The following SNTG1 variants were observed in gnomAD, a reference collection of about 807,000 sequenced individuals.
SNTG1 encodes the protein gamma-1-syntrophin.
In SNTG1, 39 loss-of-function variants were observed where a neutral mutation model predicts 74.7. That is an observed-to-expected ratio of 0.52 (90% CI 0.40 to 0.68). The LOEUF is 0.68. Among genes scored for constraint, SNTG1 ranks in the 30% least tolerant of loss-of-function variants. SNTG1 has a pLI of 0.00. For missense variants in SNTG1, 685 were observed against 609.5 expected, an observed-to-expected ratio of 1.12 and a Z score of -1.30; for synonymous variants, 254 against 217.1, an observed-to-expected ratio of 1.17 and a Z score of -1.49.
chr8:50,585,904 A>AGG (rs2094645271), intron 12 of SNTG1, among the ~76,000 whole-genome samples: 1 of 152,228 alleles, frequency 6.6e-6, no homozygotes, highest in Non-Finnish European at 1.5e-5. Flanking sequence ...GAGTTCACTT[A>AGG]TAATTTAGGT....
At chr8:50,359,399 G>A (rs2091900483) in intron 2 of SNTG1, among the ~76,000 whole-genome samples, 1 of 152,176 alleles carries the variant, frequency 6.6e-6, no homozygotes, top group Admixed American at 6.5e-5. Context: ...TACTTTCTGG[G>A]ACTGCCCATT....
rs1563761573 is a variant in SNTG1 at position 50,701,672 on chromosome 8, C to CCT, written c.1039-2927_1039-2926dup. Among the ~76,000 whole-genome samples the CCT allele has an allele frequency of 1.2e-3, 180 of 144,250 alleles. 1 individual carries two copies. The highest frequency in any genetic ancestry group is 4.7e-3 in the African/African-American group (174 of 37,062). The allele number at this position is 144,250 out of a possible 152,430, so 94.6% of individuals were successfully genotyped here. On this transcript the variant is annotated intron_variant, in intron 15 of 18. Coordinates refer to ENST00000642720, the MANE Select transcript of SNTG1 (RefSeq NM_018967.5). ...TCTTTTTCTTCCTCTTCTTCTTCTT[C>CCT]CTTCTTCTTCTTCTTCTTTGCCTTC...
chr8:50,207,470 G>T (rs762012086), intron 2 of SNTG1, among the ~76,000 whole-genome samples: 5 of 151,612 alleles, frequency 3.3e-5, no homozygotes, highest in Non-Finnish European at 7.4e-5. Context: ...TTCTTTATTA[G>T]TCTTGCTAGT....
chr8:50,776,473 T>A (rs1247279598), intron 18 of SNTG1, among the ~76,000 whole-genome samples: 1 of 147,558 alleles, frequency 6.8e-6, no homozygotes, highest in East Asian at 2.0e-4. Flanking sequence ...ACTTATGTAC[T>A]ATAAATATTG....
At chr8:50,503,634 C>T in intron 9 of SNTG1, among the ~76,000 whole-genome samples, 1 of 152,072 alleles carries the variant, frequency 6.6e-6, no homozygotes, top group East Asian at 1.9e-4. Context: ...ATTTTTTATT[C>T]TGGCGTCTTT....
intron 2 of SNTG1, among the ~76,000 whole-genome samples, chr8:50,327,562 G>C (rs1427171940): frequency 2.0e-5 from 3 of 151,640 alleles, no homozygotes; most frequent in African/African-American, 4.8e-5. Context: ...TATTTAAGTG[G>C]GTCTATTATA....
chr8:50,471,716 G>A (rs745939104), intron 8 of SNTG1, among the ~76,000 whole-genome samples: 10 of 152,112 alleles, frequency 6.6e-5, no homozygotes, highest in Non-Finnish European at 8.8e-5. Flanking sequence ...CAAGAAAGAT[G>A]TCATTCAACA....
intron 1 of SNTG1, among the ~76,000 whole-genome samples, chr8:50,132,609 T>G (rs2131410575): frequency 6.6e-6 from 1 of 152,302 alleles, no homozygotes; most frequent in South Asian, 2.1e-4. Flanking sequence ...CTTTGTATCT[T>G]GAAAATCTGT....
chr8:50,711,189 C>A (rs1000821396), intron 17 of SNTG1, among the ~76,000 whole-genome samples: 6 of 152,096 alleles, frequency 3.9e-5, no homozygotes, highest in African/African-American at 1.4e-4. Flanking sequence ...GTAATTGTTA[C>A]ATACAAATCA....
intron 1 of SNTG1, among the ~76,000 whole-genome samples, chr8:49,975,970 A>G (rs1168143307): frequency 6.6e-6 from 1 of 152,170 alleles, no homozygotes; most frequent in Non-Finnish European, 1.5e-5. Context: ...GTGAACAGCT[A>G]GTTTTACAAA....
At chr8:50,786,382 C>T (rs963214941) in intron 18 of SNTG1, among the ~76,000 whole-genome samples, 31 of 152,022 alleles carry the variant, frequency 2.0e-4, no homozygotes, top group African/African-American at 7.5e-4. Context: ...ATAAGGGGAG[C>T]TACATCCCAT....
chr8:50,288,166 A>G (rs1356195166), intron 2 of SNTG1, among the ~76,000 whole-genome samples: 3 of 152,188 alleles, frequency 2.0e-5, no homozygotes, highest in Non-Finnish European at 4.4e-5. Flanking sequence ...TTGAGGAAGC[A>G]ATTGTTATTA....
intron 8 of SNTG1, among the ~76,000 whole-genome samples, chr8:50,453,071 ATATACC>A (rs2093471432): frequency 6.6e-6 from 1 of 152,208 alleles, no homozygotes; most frequent in East Asian, 1.9e-4. Flanking sequence ...CTTTTATTTT[ATATACC>A]TACTCTATTC....
At chr8:50,362,954 G>T (rs763048180) in intron 2 of SNTG1, among the ~76,000 whole-genome samples, 16 of 152,082 alleles carry the variant, frequency 1.1e-4, no homozygotes, top group Admixed American at 6.5e-4. Flanking sequence ...GCCAATAGAT[G>T]ATTGCCCTGT....
At chr8:50,539,987 C>T (rs1260050765) in intron 11 of SNTG1, among the ~76,000 whole-genome samples, 1 of 152,090 alleles carries the variant, frequency 6.6e-6, no homozygotes, top group Non-Finnish European at 1.5e-5. Flanking sequence ...TTCAGAGGGT[C>T]GTGTCTAGGA....
chr8:50,669,280 T>C (rs534174029), intron 15 of SNTG1, among the ~76,000 whole-genome samples: 18 of 151,074 alleles, frequency 1.2e-4, no homozygotes, highest in African/African-American at 4.1e-4. Context: ...ATCAACAAAA[T>C]TGATAGACCA....
chr8:50,432,566 T>C (rs1308657605), intron 4 of SNTG1, among the ~76,000 whole-genome samples: 1 of 152,134 alleles, frequency 6.6e-6, no homozygotes, highest in African/African-American at 2.4e-5. Context: ...GCTGGGATTT[T>C]TATTGGAATT....
chr8:50,351,889 GA>G (rs1177384967), intron 2 of SNTG1, among the ~76,000 whole-genome samples: 1 of 152,104 alleles, frequency 6.6e-6, no homozygotes, highest in Non-Finnish European at 1.5e-5. Flanking sequence ...GCTGAATTGG[GA>G]AAAAATATTG....
intron 13 of SNTG1, among the ~76,000 whole-genome samples, chr8:50,619,337 A>C: frequency 6.6e-6 from 1 of 152,174 alleles, no homozygotes; most frequent in East Asian, 1.9e-4. Context: ...TATATGCTTA[A>C]GTACCTATTT....
Sources: allele counts gnomAD v4.1 joint callset (sites outside exome capture counted in the v4.1 genomes callset), GRCh38; gene constraint gnomAD v4.1.1; transcripts MANE v1.5; gene names NCBI Gene and HGNC (gene_info 2026-07-23, HGNC 2026-07-21).